The following PPCDC variants were observed in gnomAD, a reference collection of about 807,000 sequenced individuals.
PPCDC encodes phosphopantothenoylcysteine decarboxylase.
In PPCDC, 20 loss-of-function variants were observed where a neutral mutation model predicts 20.7. The ratio of observed to expected loss-of-function variants is 0.97; its 90% confidence interval spans 0.68 to 1.41. The LOEUF is 1.41. Ranked by LOEUF, PPCDC falls within the 40% of genes most tolerant of loss-of-function variation. The pLI is 0.00. For synonymous variants in PPCDC, 88 were observed against 100.3 expected (o/e 0.88, Z 0.73); for missense variants, 246 against 263.8 (o/e 0.93, Z 0.47).
intron 4 of PPCDC, among the ~76,000 whole-genome samples, chr15:75,046,554 G>A (rs1380257376): frequency 6.6e-6 from 1 of 152,260 alleles, no homozygotes; most frequent in African/African-American, 2.4e-5. Context: ...AGTGAAACAT[G>A]TTCCCAAGAC....
rs1442028068 is a variant in PPCDC, at chr15:75,043,433, G to A, written c.136-8G>A. ...CCCTCCCCGCCACCCCCTTCTTCTTGGTGACAGCTGGAAGTAGCAGTGGTC... is the reference window on the plus strand; with the variant it reads ...CCCTCCCCGCCACCCCCTTCTTCTTAGTGACAGCTGGAAGTAGCAGTGGTC... On this transcript the variant is annotated splice_region_variant and splice_polypyrimidine_tract_variant and intron_variant, in intron 2 of 5. Coordinates refer to ENST00000342932, the MANE Select transcript of PPCDC (RefSeq NM_021823.5). The A allele has an allele frequency of 6.2e-7, 1 of 1,604,810 alleles. No homozygotes were observed. Among genetic ancestry groups the A allele is most frequent in the Non-Finnish European group, 8.5e-7 (1 of 1,174,470 alleles).
chr15:75,032,726 C>A (rs938118033), intron 2 of PPCDC, among the ~76,000 whole-genome samples: 2 of 117,752 alleles, frequency 1.7e-5, no homozygotes, highest in Non-Finnish European at 3.4e-5. Flanking sequence ...CAAACTGGAC[C>A]CCCCCCCCCA....
At chr15:75,027,446 T>G (rs567498314) in intron 1 of PPCDC, among the ~76,000 whole-genome samples, 9 of 152,254 alleles carry the variant, frequency 5.9e-5, no homozygotes, top group African/African-American at 2.2e-4. Flanking sequence ...CTGCATCCCC[T>G]TTATGCTGGT....
intron 4 of PPCDC, chr15:75,044,779 G>T (rs541899336): frequency 1.4e-5 from 6 of 414,482 alleles, no homozygotes; most frequent in African/African-American, 6.2e-5. Context: ...CCAGCCAGGT[G>T]CCCACAGGAA....
rs559788290 is a variant in PPCDC, at chr15:75,036,141, C to T, written c.136-7300C>T. On this transcript the variant is annotated intron_variant, in intron 2 of 5. Transcript: ENST00000342932. ...GAGAAAGCCAAGGAAGGCTCCTGCCCTCAGGGAGTTTCTGCCCTGCCAGGG... is the reference window on the plus strand; with the variant it reads ...GAGAAAGCCAAGGAAGGCTCCTGCCTTCAGGGAGTTTCTGCCCTGCCAGGG... Among the ~76,000 whole-genome samples the T allele has an allele frequency of 3.3e-4, 50 of 152,268 alleles. No individual in the cohort carries two copies. In the South Asian group the frequency reaches 9.3e-3, roughly 28 times the overall value.
At chr15:75,034,871 G>C (rs2066066826) in intron 2 of PPCDC, among the ~76,000 whole-genome samples, 2 of 152,186 alleles carry the variant, frequency 1.3e-5, no homozygotes, top group South Asian at 4.1e-4. Context: ...CCACTCAGCT[G>C]CTAGTTCCAG....
chr15:75,034,921 C>G (rs1319536256), intron 2 of PPCDC, among the ~76,000 whole-genome samples: 2 of 152,150 alleles, frequency 1.3e-5, no homozygotes, highest in African/African-American at 2.4e-5. Flanking sequence ...CAGAGCTGTG[C>G]TATCTGATAT....
At chr15:75,032,734 C>CT (rs1555413327) in intron 2 of PPCDC, among the ~76,000 whole-genome samples, 2 of 110,670 alleles carry the variant, frequency 1.8e-5, no homozygotes, top group Non-Finnish European at 3.5e-5. Flanking sequence ...ACCCCCCCCC[C>CT]CAAGGCCAAA....
chr15:75,031,117 A>G (rs1356095229), intron 2 of PPCDC, among the ~76,000 whole-genome samples: 1 of 152,082 alleles, frequency 6.6e-6, no homozygotes, highest in Non-Finnish European at 1.5e-5. Context: ...ACAGTGAAGG[A>G]GGGGCAGGTT....
rs547538441 is a variant in PPCDC at position 75,028,885 on chromosome 15, G to T, written c.135+432G>T. ...TTCTCCCTCCTCGTGAGACCTCATGGTTGTCTTGTCAGTCAAATGCTCTGA... is the reference window on the plus strand; with the variant it reads ...TTCTCCCTCCTCGTGAGACCTCATGTTTGTCTTGTCAGTCAAATGCTCTGA... On this transcript the variant is annotated intron_variant, in intron 2 of 5. Transcript: ENST00000342932. Among the ~76,000 whole-genome samples the T allele has an allele frequency of 3.8e-4, 58 of 152,212 alleles. 1 individual carries two copies. In the East Asian group the frequency reaches 9.7e-3, roughly 25 times the overall value.
chr15:75,035,963 CAAAAAAAA>C, intron 2 of PPCDC, among the ~76,000 whole-genome samples: 1 of 105,098 alleles, frequency 9.5e-6, no homozygotes, highest in African/African-American at 3.8e-5. Flanking sequence ...GACTGTGTCT[CAAAAAAAA>C]AAAAAAAAAA....
chr15:75,045,449 ATACT>A (rs1486702437), intron 4 of PPCDC, among the ~76,000 whole-genome samples: 1 of 152,228 alleles, frequency 6.6e-6, no homozygotes, highest in African/African-American at 2.4e-5. Flanking sequence ...CATCCAATAA[ATACT>A]TACTGCATGT....
chr15:75,029,256 T>C (rs894981315), intron 2 of PPCDC, among the ~76,000 whole-genome samples: 1 of 152,204 alleles, frequency 6.6e-6, no homozygotes, highest in Admixed American at 6.5e-5. Context: ...CTTCCCTGTC[T>C]GCCCCAGCCC....
intron 4 of PPCDC, 24 bp downstream of exon 4, chr15:75,044,538 G>C: frequency 1.9e-6 from 3 of 1,608,318 alleles, no homozygotes; most frequent in Non-Finnish European, 2.6e-6. Context: ...TGGTGCCCTC[G>C]TCCGTCCCTG....
At chr15:75,033,255 G>T (rs1041255954) in intron 2 of PPCDC, among the ~76,000 whole-genome samples, 2 of 152,236 alleles carry the variant, frequency 1.3e-5, no homozygotes, top group African/African-American at 4.8e-5. Flanking sequence ...GGCTGCATTC[G>T]TGCTACTACA....
intron 1 of PPCDC, among the ~76,000 whole-genome samples, chr15:75,025,415 G>A (rs990002069): frequency 6.6e-6 from 1 of 152,158 alleles, no homozygotes; most frequent in Non-Finnish European, 1.5e-5. Context: ...GTCTGGTTCT[G>A]TGCCAGCTCC....
In PPCDC at chr15:75,028,354, C is replaced by CT; in HGVS notation, c.38dup (p.Leu13PhefsTer42). 6.2e-7 allele frequency: 1 copy of CT among 1,614,220 alleles called. No individual in the cohort carries two copies. Among genetic ancestry groups the CT allele is most frequent in the Non-Finnish European group, 8.5e-7 (1 of 1,180,036 alleles). On this transcript the variant is annotated frameshift_variant, in exon 2 of 6. Coordinates refer to ENST00000342932, the MANE Select transcript of PPCDC (RefSeq NM_021823.5). LOFTEE classifies it high-confidence loss of function. Reference sequence around the variant, plus strand: ...AGGCCTCCTGTCCAGCTGCTGCACCCTTGATGGAGAGAAAATTCCATGTTC... The same window carrying CT: ...AGGCCTCCTGTCCAGCTGCTGCACCCTTTGATGGAGAGAAAATTCCATGTTC...
At chr15:75,031,244 G>A (rs1343845192) in intron 2 of PPCDC, among the ~76,000 whole-genome samples, 3 of 152,302 alleles carry the variant, frequency 2.0e-5, no homozygotes, top group African/African-American at 7.2e-5. Context: ...GGGCTCAGGA[G>A]CTTCAGGATG....
intron 2 of PPCDC, among the ~76,000 whole-genome samples, chr15:75,040,940 A>C (rs1425998244): frequency 6.6e-6 from 1 of 152,236 alleles, no homozygotes; most frequent in East Asian, 1.9e-4. Context: ...CTGGGATTAC[A>C]GGCATGAGCG....
Sources: allele counts gnomAD v4.1 joint callset (sites outside exome capture counted in the v4.1 genomes callset), GRCh38; gene constraint gnomAD v4.1.1; transcripts MANE v1.5; gene names NCBI Gene and HGNC (gene_info 2026-07-23, HGNC 2026-07-21).